Variants in ULBP1 observed in about 807,000 individuals in gnomAD.
ULBP1 encodes UL16-binding protein 1.
Under a neutral mutation model 25.3 loss-of-function variants are expected in ULBP1, and 28 were observed. The observed-to-expected ratio is 1.10, with a 90% CI of 0.82 to 1.51. The LOEUF is 1.51. Among genes scored for constraint, ULBP1 ranks in the 40% most tolerant of loss-of-function variants. The pLI is 0.00. For synonymous variants in ULBP1, 129 were observed against 103.0 expected (o/e 1.25, Z -1.53); for missense variants, 348 against 290.9 (o/e 1.20, Z -1.43).
Position 149,963,985 on chromosome 6 carries a change from C to T in ULBP1, c.-65C>T, listed in dbSNP as rs537005403. The T allele has an allele frequency of 7.1e-5, 111 of 1,553,480 alleles. No homozygotes were observed. The African/African-American group carries it at 1.0e-3, about 14-fold the overall frequency. On this transcript the variant is annotated 5_prime_UTR_variant, in exon 1 of 5. Coordinates refer to ENST00000229708, the MANE Select transcript of ULBP1 (RefSeq NM_025218.4). Reference sequence around the variant, plus strand: ...GGGCCGGGCTGGGCAGCTTTATAAACAGCCGTGGTGTGAGCCTCGAAGGGA... The same window carrying T: ...GGGCCGGGCTGGGCAGCTTTATAAATAGCCGTGGTGTGAGCCTCGAAGGGA...
intron 4 of ULBP1, among the ~76,000 whole-genome samples, 184 bp downstream of exon 4, chr6:149,970,331 C>T (rs1008492115): frequency 9.3e-5 from 14 of 150,786 alleles, no homozygotes; most frequent in African/African-American, 3.1e-4. Flanking sequence ...CTGATGGATT[C>T]TAACTGTCAG....
At chr6:149,967,890 A>G (rs9371586) in intron 1 of ULBP1, among the ~76,000 whole-genome samples, 3 of 151,944 alleles carry the variant, frequency 2.0e-5, no homozygotes, top group East Asian at 1.9e-4. Context: ...GGCCTTCTTT[A>G]TATGCTGGGT....
chr6:149,968,508 C>A, intron 1 of ULBP1, 99 bp from the exon 2 acceptor site: 2 of 1,476,956 alleles, frequency 1.4e-6, no homozygotes, highest in Non-Finnish European at 1.8e-6. Context: ...CCAGCCCAGC[C>A]CCTCAGAGGC....
At chr6:149,966,566 C>T (rs1779208091) in intron 1 of ULBP1, among the ~76,000 whole-genome samples, 1 of 152,142 alleles carries the variant, frequency 6.6e-6, no homozygotes, top group African/African-American at 2.4e-5. Flanking sequence ...CATGTAGTGT[C>T]CTGGGGATCG....
intron 1 of ULBP1, among the ~76,000 whole-genome samples, chr6:149,964,935 T>TGCGATCTCCCCGAACATC (rs1189483380): frequency 2.0e-5 from 2 of 99,570 alleles, no homozygotes; most frequent in Non-Finnish European, 4.0e-5. Flanking sequence ...CCCGAAACAT[T>TGCGATCTCCCCGAACATC]GCGATCTCCC....
chr6:149,969,652 C>T (rs1779276306), intron 3 of ULBP1, among the ~76,000 whole-genome samples: 1 of 152,158 alleles, frequency 6.6e-6, no homozygotes, highest in African/African-American at 2.4e-5. Flanking sequence ...GTGTTCCTTC[C>T]TCCTAGAATC....
At chr6:149,969,469 C>G in intron 3 of ULBP1, 109 bp downstream of exon 3, 1 of 1,480,030 alleles carries the variant, frequency 6.8e-7, no homozygotes, top group East Asian at 2.3e-5. Context: ...GAACATGACC[C>G]CCTCATGGGG....
chr6:149,967,442 G>T (rs980156387), intron 1 of ULBP1, among the ~76,000 whole-genome samples: 1 of 152,238 alleles, frequency 6.6e-6, no homozygotes, highest in Admixed American at 6.5e-5. Flanking sequence ...TCTAGCAATG[G>T]ACTCTGGGTC....
chr6:149,965,149 G>T (rs1562493162), intron 1 of ULBP1, among the ~76,000 whole-genome samples: 1 of 141,116 alleles, frequency 7.1e-6, no homozygotes, highest in South Asian at 2.3e-4. Flanking sequence ...CCCGAACATC[G>T]CGATCCCCCA....
intron 1 of ULBP1, 115 bp downstream of exon 1, chr6:149,964,249 C>G (rs1428495455): frequency 9.6e-7 from 1 of 1,037,502 alleles, no homozygotes; most frequent in Non-Finnish European, 1.3e-6. Flanking sequence ...TCTCCCTGAA[C>G]GAACATCGCG....
Position 149,968,843 on chromosome 6 carries a change from A to G in ULBP1, c.322A>G (p.Ile108Val), listed in dbSNP as rs760159808. The change falls in exon 2 of 5, where the codon ATT becomes GTT. Residue 108 changes from isoleucine to valine, a missense_variant. Coordinates refer to ENST00000229708, the MANE Select transcript of ULBP1 (RefSeq NM_025218.4). ...VDFLKGQLLDIQVENLIPIEP... is the reference protein window; with the variant it reads ...VDFLKGQLLDVQVENLIPIEP... ...TTTCCTTAAAGGGCAACTGCTTGAC[A>G]TTCAAGTGGAGAATTTAATACCCAT... The G allele has an allele frequency of 4.3e-6, 7 of 1,614,172 alleles. No homozygotes were observed. The highest frequency in any genetic ancestry group is 5.1e-6 in the Non-Finnish European group (6 of 1,180,024).
At chr6:149,968,131 C>A (rs1399139298) in intron 1 of ULBP1, among the ~76,000 whole-genome samples, 4 of 152,196 alleles carry the variant, frequency 2.6e-5, no homozygotes, top group African/African-American at 9.6e-5. Context: ...GCTTTGCCAA[C>A]GTGTTAAATC....
chr6:149,969,901 A>T, intron 3 of ULBP1, 115 bp from the exon 4 acceptor site: 3 of 1,390,084 alleles, frequency 2.2e-6, no homozygotes, highest in Non-Finnish European at 2.9e-6. Flanking sequence ...GCCCCACAGC[A>T]GAGGGGGACA....
intron 3 of ULBP1, 32 bp from the exon 4 acceptor site, chr6:149,969,984 C>A (rs770609656): frequency 6.3e-7 from 1 of 1,589,222 alleles, no homozygotes; most frequent in Admixed American, 1.8e-5. Context: ...TGAGCCTGGA[C>A]AAGGGTTGTC....
chr6:149,971,973 C>A lies in ULBP1; in HGVS notation c.*627C>A, dbSNP rs2114717932. 1 of 152,266 alleles carries A rather than the reference C, an allele frequency of 6.6e-6. No homozygotes were observed. Among genetic ancestry groups the A allele is most frequent in the East Asian group, 1.9e-4 (1 of 5,186 alleles). 9.4% of individuals were successfully genotyped at this position (152,266 alleles called of 1,614,324 possible). Reference sequence around the variant, plus strand: ...TAGCTGGGACTACAGGCACATGCCACCAGGACTGGCAAACTGTTTTATTTT... The same window carrying A: ...TAGCTGGGACTACAGGCACATGCCAACAGGACTGGCAAACTGTTTTATTTT... On this transcript the variant is annotated 3_prime_UTR_variant, in exon 5 of 5. Coordinates refer to ENST00000229708, the MANE Select transcript of ULBP1 (RefSeq NM_025218.4).
Position 149,969,105 on chromosome 6 carries a change from A to C in ULBP1, c.370A>C (p.Arg124=), listed in dbSNP as rs781415440. 6.2e-7 allele frequency: 1 copy of C among 1,614,260 alleles called. No homozygotes were observed. Among genetic ancestry groups the C allele is most frequent in the South Asian group, 1.1e-5 (1 of 91,086 alleles). ...IPIEPLTLQA[R]MSCEHEAHGH... is the part of the protein sequence containing the mutation. ...GGCAGAGCCCCTCACCCTGCAGGCC[A>C]GGATGTCTTGTGAGCATGAAGCCCA... The change falls in exon 3 of 5, where the codon AGG becomes CGG. Residue 124 remains arginine, a synonymous_variant. Transcript: ENST00000229708.
intron 1 of ULBP1, among the ~76,000 whole-genome samples, chr6:149,966,458 G>T (rs141838450): frequency 1.3e-5 from 2 of 152,096 alleles, no homozygotes; most frequent in African/African-American, 2.4e-5. Context: ...GGCCTACTGC[G>T]CCCCTCCTTT....
Position 149,971,399 on chromosome 6 carries a change from G to A in ULBP1, c.*53G>A, listed in dbSNP as rs1779315378. ...AAGTGATATCAAGAAGCCTCTGTTA[G>A]CCTGGTCTGGGTCCTGCTCTCCCTT... On this transcript the variant is annotated 3_prime_UTR_variant, in exon 5 of 5. Coordinates refer to ENST00000229708, the MANE Select transcript of ULBP1 (RefSeq NM_025218.4). The A allele has an allele frequency of 1.8e-5, 18 of 985,378 alleles. No individual in the cohort carries two copies. Among genetic ancestry groups the A allele is most frequent in the Non-Finnish European group, 2.0e-5 (17 of 829,940 alleles). The allele number at this position is 985,378 out of a possible 1,614,324, so 61.0% of individuals were successfully genotyped here. A position where few individuals can be genotyped will look rare whatever the true frequency, so the allele number is the denominator to read the frequency against.
intron 1 of ULBP1, among the ~76,000 whole-genome samples, chr6:149,968,006 C>G (rs1363128240): frequency 6.6e-6 from 1 of 152,184 alleles, no homozygotes; most frequent in Non-Finnish European, 1.5e-5. Flanking sequence ...CCTTTTGATT[C>G]TTTCCCTTAC....
Sources: allele counts gnomAD v4.1 joint callset (sites outside exome capture counted in the v4.1 genomes callset), GRCh38; gene constraint gnomAD v4.1.1; transcripts MANE v1.5; gene names NCBI Gene and HGNC (gene_info 2026-07-23, HGNC 2026-07-21).